Variants in OLFM2 observed in about 807,000 individuals in gnomAD.
The protein encoded by OLFM2 is olfactomedin 2, also known as noelin-2.
OLFM2 carries 20 observed loss-of-function variants against 43.9 expected under a neutral mutation model. That is an observed-to-expected ratio of 0.46 (90% CI 0.32 to 0.66). The LOEUF (loss-of-function observed/expected upper bound fraction) is 0.66, where lower values mean the gene tolerates loss of function less well. Among genes scored for constraint, OLFM2 ranks in the 30% least tolerant of loss-of-function variants. The pLI is 0.04. For missense variants in OLFM2, 416 were observed against 643.6 expected (o/e 0.65, Z 3.83); for synonymous variants, 268 against 278.6 (o/e 0.96, Z 0.38).
At chr19:9,922,085 C>A (rs572031185) in intron 1 of OLFM2, among the ~76,000 whole-genome samples, 12 of 149,040 alleles carry the variant, frequency 8.1e-5, no homozygotes, top group Non-Finnish European at 1.8e-4. Flanking sequence ...CAGAGTGAGA[C>A]CCTGTCTCAA....
intron 1 of OLFM2, among the ~76,000 whole-genome samples, chr19:9,935,595 G>A (rs1453280077): frequency 1.3e-5 from 2 of 151,968 alleles, no homozygotes; most frequent in African/African-American, 2.4e-5. Context: ...AATAGCACAC[G>A]CTCACTCCAA....
intron 1 of OLFM2, among the ~76,000 whole-genome samples, chr19:9,885,920 G>T (rs1318474243): frequency 6.6e-6 from 1 of 151,934 alleles, no homozygotes; most frequent in African/African-American, 2.4e-5. Context: ...AACACAGCAA[G>T]ACCCTGTCTC....
rs183801085 is a variant in OLFM2, at chr19:9,890,645, A to C, written c.64-29851T>G. ...TGCCTTTTAAACGGCAGTGACTTCC[A>C]GGTGAATACTTTAAGAGCCGGTGTG... On this transcript the variant is annotated intron_variant, in intron 1 of 5. Transcript: ENST00000264833. 2.7e-3 allele frequency among the ~76,000 whole-genome samples: 408 copies of C among 152,284 alleles called. 1 individual carries two copies. Among genetic ancestry groups the C allele is most frequent in the African/African-American group, 9.4e-3 (392 of 41,560 alleles).
At chr19:9,877,585 T>C (rs2046502391) in intron 1 of OLFM2, among the ~76,000 whole-genome samples, 1 of 151,324 alleles carries the variant, frequency 6.6e-6, no homozygotes, top group Non-Finnish European at 1.5e-5. Flanking sequence ...TACAATAAAA[T>C]AAAAATAAAA....
intron 1 of OLFM2, among the ~76,000 whole-genome samples, chr19:9,914,777 C>T (rs2046861880): frequency 6.6e-6 from 1 of 152,008 alleles, no homozygotes; most frequent in African/African-American, 2.4e-5. Flanking sequence ...CGGAGAGGAG[C>T]GCCGGGCTAG....
intron 1 of OLFM2, among the ~76,000 whole-genome samples, chr19:9,889,638 C>T (rs1406651347): frequency 6.6e-6 from 1 of 152,122 alleles, no homozygotes. Context: ...CACTTTGCAT[C>T]GGGGTGTCTG....
intron 1 of OLFM2, among the ~76,000 whole-genome samples, chr19:9,928,225 A>C (rs1026502891): frequency 6.6e-6 from 1 of 150,456 alleles, no homozygotes; most frequent in Non-Finnish European, 1.5e-5. Flanking sequence ...AAAAAAAAAA[A>C]CAAAATAAAA....
At chr19:9,880,283 C>T (rs2046528601) in intron 1 of OLFM2, among the ~76,000 whole-genome samples, 1 of 152,122 alleles carries the variant, frequency 6.6e-6, no homozygotes, top group South Asian at 2.1e-4. Context: ...TCCGTTCATC[C>T]CAGAAATATT....
At chr19:9,868,172 C>G (rs1031569667) in intron 1 of OLFM2, among the ~76,000 whole-genome samples, 1 of 152,034 alleles carries the variant, frequency 6.6e-6, no homozygotes, top group Admixed American at 6.6e-5. Flanking sequence ...AAGTGATTCT[C>G]CTGCCTCAGT....
intron 1 of OLFM2, among the ~76,000 whole-genome samples, chr19:9,910,302 A>G (rs576946444): frequency 6.6e-6 from 1 of 152,356 alleles, no homozygotes; most frequent in African/African-American, 2.4e-5. Context: ...TTACAGGGCC[A>G]GAATTCAAAC....
chr19:9,927,808 GT>G (rs1333973722), intron 1 of OLFM2, among the ~76,000 whole-genome samples: 3 of 152,194 alleles, frequency 2.0e-5, no homozygotes. Context: ...ACTCATGCCT[GT>G]AATCCCAGCA....
intron 1 of OLFM2, among the ~76,000 whole-genome samples, chr19:9,914,868 C>T (rs1337914049): frequency 6.6e-6 from 1 of 152,072 alleles, no homozygotes; most frequent in Non-Finnish European, 1.5e-5. Flanking sequence ...CGCCGTCGCC[C>T]TCAGCCCGCG....
chr19:9,879,341 A>G (rs536811017), intron 1 of OLFM2, among the ~76,000 whole-genome samples: 1 of 149,880 alleles, frequency 6.7e-6, no homozygotes, highest in African/African-American at 2.5e-5. Flanking sequence ...CATGTTGGTC[A>G]GGGTGGTCAC....
At chr19:9,910,945 C>T (rs1230528588) in intron 1 of OLFM2, among the ~76,000 whole-genome samples, 1 of 151,818 alleles carries the variant, frequency 6.6e-6, no homozygotes, top group Non-Finnish European at 1.5e-5. Flanking sequence ...GATGGAATAA[C>T]AGGTGGTTGG....
intron 2 of OLFM2, among the ~76,000 whole-genome samples, chr19:9,858,532 G>T (rs1435603604): frequency 6.6e-6 from 1 of 152,172 alleles, no homozygotes; most frequent in Non-Finnish European, 1.5e-5. Flanking sequence ...ACCCTCAGAG[G>T]CAGAGGCTGC....
At chr19:9,864,143 A>G (rs1599467735) in intron 1 of OLFM2, among the ~76,000 whole-genome samples, 2 of 152,342 alleles carry the variant, frequency 1.3e-5, no homozygotes, top group East Asian at 1.9e-4. Flanking sequence ...GATGACCTAC[A>G]GGCATTCGTG....
In OLFM2 at chr19:9,857,962, C is replaced by G. The variant is rs115290426; in HGVS notation, c.214-101G>C. 7,286 of 1,480,052 alleles carry G rather than the reference C, an allele frequency of 4.9e-3. 276 individuals carry two copies. In the African/African-American group the frequency reaches 0.088, roughly 18 times the overall value. The allele number at this position is 1,480,052 out of a possible 1,614,324, so 91.7% of individuals were successfully genotyped here. ...GGCAGGAACAGAGGCTGTACAAACACCACACCGACGAGGCCACCTTCTCCT... is the reference window on the plus strand; with the variant it reads ...GGCAGGAACAGAGGCTGTACAAACAGCACACCGACGAGGCCACCTTCTCCT... On this transcript the variant is annotated intron_variant, in intron 2 of 5. Transcript: ENST00000264833. The surrounding 1 kb of genome is among the most constrained non-coding windows in gnomAD (Gnocchi z 5.7).
In OLFM2 at chr19:9,854,356, T is replaced by A. The variant is rs759662196; in HGVS notation, c.1195A>T (p.Asn399Tyr). Reference protein sequence around the residue: ...GAKVYFAYFTNTSSYEYTDVP... With the variant: ...GAKVYFAYFTYTSSYEYTDVP... ...TCCGTGTACTCGTAACTGGACGTGTTGGTAAAATAGGCGAAGTAGACCTTG... is the reference window on the plus strand; with the variant it reads ...TCCGTGTACTCGTAACTGGACGTGTAGGTAAAATAGGCGAAGTAGACCTTG... The change falls in exon 6 of 6, where the codon AAC becomes TAC. Residue 399 changes from asparagine (N) to tyrosine (Y), a missense_variant. By Grantham distance (143) the Asn-to-Tyr change is moderately radical. Coordinates refer to ENST00000264833, the MANE Select transcript of OLFM2 (RefSeq NM_058164.4). This position sits in a 1 kb window ranked among gnomAD's most constrained non-coding sequence, Gnocchi z 9.5. 6.2e-7 allele frequency: 1 copy of A among 1,614,086 alleles called. No individual in the cohort carries two copies.
chr19:9,918,176 G>A (rs920766266), intron 1 of OLFM2, among the ~76,000 whole-genome samples: 16 of 150,230 alleles, frequency 1.1e-4, no homozygotes, highest in Non-Finnish European at 2.1e-4. Flanking sequence ...ACCATGCCTG[G>A]CCACTTTAGT....
Sources: allele counts gnomAD v4.1 joint callset (sites outside exome capture counted in the v4.1 genomes callset), GRCh38; gene constraint gnomAD v4.1.1; non-coding constraint Gnocchi (gnomAD v3.1); transcripts MANE v1.5; gene names NCBI Gene and HGNC (gene_info 2026-07-23, HGNC 2026-07-21).